LPP: variants seen among roughly 807,000 people sequenced by gnomAD.
LPP encodes LIM domain containing preferred translocation partner in lipoma.
In LPP, 38 loss-of-function variants were observed where a neutral mutation model predicts 60.4. That is an observed-to-expected ratio of 0.63 (90% CI 0.49 to 0.83). LPP has a LOEUF of 0.83. LPP is among the 40% of genes least tolerant of loss of function. LPP has a pLI of 0.00. For missense variants in LPP, 902 were observed against 783.6 expected (o/e 1.15, Z -1.80); for synonymous variants, 328 against 290.8 (o/e 1.13, Z -1.30).
intron 3 of LPP, among the ~76,000 whole-genome samples, chr3:188,376,312 G>A (rs1775067078): frequency 6.6e-6 from 1 of 151,738 alleles, no homozygotes; most frequent in Admixed American, 6.6e-5. Flanking sequence ...GGGTGTTAAA[G>A]TCTCCCATTA....
At chr3:188,438,767 G>A (rs546252184) in intron 4 of LPP, among the ~76,000 whole-genome samples, 17 of 152,280 alleles carry the variant, frequency 1.1e-4, no homozygotes, top group African/African-American at 4.1e-4. Flanking sequence ...AGAGAATTAC[G>A]ATGGTGAGCA....
intron 7 of LPP, among the ~76,000 whole-genome samples, chr3:188,684,745 A>G (rs1424469906): frequency 6.6e-6 from 1 of 152,112 alleles, no homozygotes; most frequent in Non-Finnish European, 1.5e-5. Context: ...GAAAAAAAAA[A>G]AAACAAAATT....
rs140169443 is a variant in LPP at position 188,581,387 on chromosome 3, C to T, written c.430-27774C>T. Among the ~76,000 whole-genome samples the T allele has an allele frequency of 2.6e-5, 4 of 152,296 alleles. No individual in the cohort carries two copies. In the East Asian group the frequency reaches 7.7e-4, roughly 29 times the overall value. On this transcript the variant is annotated intron_variant, in intron 6 of 11. Coordinates refer to ENST00000617246, the MANE Select transcript of LPP (RefSeq NM_001375462.1). ...CCCTGGAAACAGAACCACAGTGGGTCAGACAGTCTTTTGTATTAGTTTTAA... is the reference window on the plus strand; with the variant it reads ...CCCTGGAAACAGAACCACAGTGGGTTAGACAGTCTTTTGTATTAGTTTTAA...
At chr3:188,431,964 A>T (rs1223725150) in intron 4 of LPP, among the ~76,000 whole-genome samples, 2 of 152,152 alleles carry the variant, frequency 1.3e-5, no homozygotes, top group Non-Finnish European at 2.9e-5. Flanking sequence ...TTCTAAGCTA[A>T]TATCCTTACA....
intron 2 of LPP, among the ~76,000 whole-genome samples, chr3:188,282,608 T>A (rs1203149337): frequency 6.6e-6 from 1 of 152,164 alleles, no homozygotes; most frequent in Non-Finnish European, 1.5e-5. Context: ...CTTAGGACCC[T>A]ACACTCATGA....
intron 2 of LPP, among the ~76,000 whole-genome samples, chr3:188,249,538 T>C (rs1487149368): frequency 6.6e-6 from 1 of 152,106 alleles, no homozygotes; most frequent in Non-Finnish European, 1.5e-5. Context: ...TATATATATG[T>C]ATGCAGTGTA....
intron 3 of LPP, among the ~76,000 whole-genome samples, chr3:188,394,887 G>C (rs575958385): frequency 3.3e-5 from 5 of 152,158 alleles, no homozygotes; most frequent in Non-Finnish European, 7.4e-5. Flanking sequence ...AAGGTCCCCA[G>C]TTGAAAATGC....
chr3:188,603,023 AAATAATAATAATAATAATAAT>A (rs57026715), intron 6 of LPP, among the ~76,000 whole-genome samples: 33 of 146,614 alleles, frequency 2.3e-4, no homozygotes, highest in South Asian at 1.9e-3. Context: ...CTTGTGTTTG[AAATAATAATAATAATAATAAT>A]AATAATAATA....
At position 188,731,517 on chromosome 3, in the gene LPP, T is replaced by TTTTG. The variant is rs1553817790; in HGVS notation, c.1240+23128_1240+23131dup. Reference sequence around the variant, plus strand: ...GTCTAATCTTTTATTTTTTTGTTTTTTTTGTTTTGTTTTGTTTTGTTTTGA... The same window carrying TTTTG: ...GTCTAATCTTTTATTTTTTTGTTTTTTTTGTTTGTTTTGTTTTGTTTTGTTTTGA... On this transcript the variant is annotated intron_variant, in intron 8 of 11. Coordinates refer to ENST00000617246, the MANE Select transcript of LPP (RefSeq NM_001375462.1). Among the ~76,000 whole-genome samples the TTTTG allele has an allele frequency of 3.9e-3, 36 of 9,324 alleles. No individual in the cohort carries two copies. The South Asian group carries it at 0.14, about 37-fold the overall frequency. 6.1% of individuals were successfully genotyped at this position (9,324 alleles called of 152,430 possible).
At chr3:188,551,556 G>T (rs1828125440) in intron 6 of LPP, among the ~76,000 whole-genome samples, 1 of 152,152 alleles carries the variant, frequency 6.6e-6, no homozygotes, top group Admixed American at 6.5e-5. Flanking sequence ...TCACCCATCT[G>T]TAAAATATGG....
intron 2 of LPP, among the ~76,000 whole-genome samples, chr3:188,261,740 T>A (rs546753742): frequency 1.2e-3 from 59 of 47,696 alleles, no homozygotes; most frequent in African/African-American, 8.0e-3. Flanking sequence ...AGACCCTGTC[T>A]CTCCAAAAAA....
chr3:188,852,575 A>C (rs1214084907), intron 9 of LPP, among the ~76,000 whole-genome samples: 2 of 152,184 alleles, frequency 1.3e-5, no homozygotes, highest in Admixed American at 1.3e-4. Context: ...GATGTTATAA[A>C]GTGAGTTTGA....
chr3:188,571,451 T>G (rs1375731978), intron 6 of LPP, among the ~76,000 whole-genome samples: 4 of 151,138 alleles, frequency 2.6e-5, no homozygotes, highest in Non-Finnish European at 2.9e-5. Context: ...ACCCCTGAGG[T>G]CTTTCTACTT....
At chr3:188,633,307 C>T (rs1250905483) in intron 7 of LPP, among the ~76,000 whole-genome samples, 3 of 152,158 alleles carry the variant, frequency 2.0e-5, no homozygotes, top group African/African-American at 7.2e-5. Context: ...TTTACACAGA[C>T]CATGTAAATG....
intron 6 of LPP, among the ~76,000 whole-genome samples, chr3:188,538,077 A>G (rs1056585613): frequency 2.0e-5 from 3 of 152,238 alleles, no homozygotes; most frequent in African/African-American, 7.2e-5. Context: ...ATAGTGTAAG[A>G]CACAAATGTA....
chr3:188,867,704 G>A (rs1767035149), intron 10 of LPP, among the ~76,000 whole-genome samples: 1 of 152,140 alleles, frequency 6.6e-6, no homozygotes, highest in African/African-American at 2.4e-5. Context: ...TGTAAATGGT[G>A]GACTCAGGTT....
rs142666294 is a variant in LPP at position 188,277,730 on chromosome 3, G to A, written c.-67+52203G>A. Among the ~76,000 whole-genome samples, 46 of 152,224 alleles carry A rather than the reference G, an allele frequency of 3.0e-4. No individual in the cohort carries two copies. The East Asian group carries it at 8.5e-3, about 28-fold the overall frequency. ...AACTCATTCCTTGTTATGGGATAAG[G>A]TTCTTGGAGCTACATTTAACACTCA... On this transcript the variant is annotated intron_variant, in intron 2 of 11. Transcript: ENST00000617246.
intron 1 of LPP, among the ~76,000 whole-genome samples, chr3:188,175,054 A>T (rs1175137695): frequency 6.6e-6 from 1 of 151,980 alleles, no homozygotes; most frequent in African/African-American, 2.4e-5. Context: ...CTGACACTAG[A>T]CTCAAATTTA....
chr3:188,491,387 T>G (rs942985982), intron 5 of LPP, among the ~76,000 whole-genome samples: 9 of 152,206 alleles, frequency 5.9e-5, no homozygotes, highest in African/African-American at 2.2e-4. Context: ...TTTAATGTAT[T>G]CTAAAATGCT....
Sources: gnomAD v4.1 joint callset for allele counts (sites outside exome capture counted in the v4.1 genomes callset) on GRCh38, gnomAD v4.1.1 for gene constraint, MANE v1.5 for transcripts, NCBI Gene and HGNC (gene_info 2026-07-23, HGNC 2026-07-21) for gene names.